Variants in BUB1B observed in about 807,000 individuals in gnomAD.
The protein encoded by BUB1B is mitotic checkpoint serine/threonine-protein kinase BUB1 beta.
Under a neutral mutation model 137.7 loss-of-function variants are expected in BUB1B, and 86 were observed. The ratio of observed to expected loss-of-function variants is 0.62; its 90% CI spans 0.52 to 0.75. The LOEUF (loss-of-function observed/expected upper bound fraction) is 0.75, where lower values mean the gene tolerates loss of function less well. BUB1B is among the 30% of genes least tolerant of loss of function. The pLI is 0.00. For synonymous variants in BUB1B, 420 were observed against 417.9 expected, an observed-to-expected ratio of 1.00 and a Z score of -0.06; for missense variants, 1,130 against 1,236.9, an observed-to-expected ratio of 0.91 and a Z score of 1.30.
intron 5 of BUB1B, among the ~76,000 whole-genome samples, chr15:40,180,452 G>A (rs1213868658): frequency 2.6e-5 from 4 of 151,222 alleles, no homozygotes; most frequent in Non-Finnish European, 5.9e-5. Flanking sequence ...TTTTAGAAGA[G>A]ATGGGGTTTC....
At position 40,199,636 on chromosome 15, in the gene BUB1B, A is replaced by G. The variant is rs778168059; in HGVS notation, c.1310A>G (p.Glu437Gly). The change falls in exon 10 of 23, where the codon GAG (glutamate) becomes GGG (glycine). Residue 437 changes from glutamate to glycine, a missense_variant. Transcript: ENST00000287598. ...QREAELLTSA[E>G]KRAEMQKQIE... ...CTAGCCGAGCTATTGACCAGTGCAG[A>G]GAAGAGAGCAGAAATGCAGAAACAG... 1 of 1,614,010 alleles carries G rather than the reference A, an allele frequency of 6.2e-7. No homozygotes were observed. Among genetic ancestry groups the G allele is most frequent in the South Asian group, 1.1e-5 (1 of 91,076 alleles).
chr15:40,195,831 G>GT (rs540703521), intron 8 of BUB1B, among the ~76,000 whole-genome samples: 23 of 151,986 alleles, frequency 1.5e-4, no homozygotes, highest in Non-Finnish European at 2.9e-4. Context: ...AGGATTGTTT[G>GT]TTTTTTTCTT....
chr15:40,188,778 T>C (rs1171720390), intron 8 of BUB1B, among the ~76,000 whole-genome samples: 1 of 152,086 alleles, frequency 6.6e-6, no homozygotes, highest in East Asian at 1.9e-4. Flanking sequence ...AGCCATGGTT[T>C]CACCATATTG....
chr15:40,201,234 T>C (rs1035054951), intron 12 of BUB1B, among the ~76,000 whole-genome samples: 3 of 152,324 alleles, frequency 2.0e-5, no homozygotes, highest in Non-Finnish European at 2.9e-5. Context: ...TCTTATACTT[T>C]AGTTACTGTA....
rs777101811 is a variant in BUB1B, at chr15:40,170,639, A to G, written c.342A>G (p.Arg114=). The change falls in exon 4 of 23, where the codon CGA becomes CGG. Residue 114 remains arginine (R), a synonymous_variant. Coordinates refer to ENST00000287598, the MANE Select transcript of BUB1B (RefSeq NM_001211.6). ...TAGAAGCACTACAAGGAGAAAAACG[A>G]TATTATAGTGATCCTCGATTTCTCA... ...RAVEALQGEK[R]YYSDPRFLNL... 13 of 1,613,752 alleles carry G rather than the reference A, an allele frequency of 8.1e-6. No homozygotes were observed. The South Asian group carries it at 1.4e-4, about 18-fold the overall frequency.
At chr15:40,177,229 A>T (rs2037233740) in intron 5 of BUB1B, among the ~76,000 whole-genome samples, 1 of 152,176 alleles carries the variant, frequency 6.6e-6, no homozygotes, top group Non-Finnish European at 1.5e-5. Context: ...TTTTAATTTT[A>T]AAGAAGTCTA....
rs773703818 is a variant in BUB1B, at chr15:40,185,259, T to G, written c.846T>G (p.Ala282=). The change falls in exon 7 of 23, where the codon GCT becomes GCG. Residue 282 remains alanine (A), a synonymous_variant. Coordinates refer to ENST00000287598, the MANE Select transcript of BUB1B (RefSeq NM_001211.6). ...ITVFDENADE[A]STAELSKPTV... ...TTTTTGATGAAAATGCTGATGAGGC[T>G]TCTACAGCAGAGTTGTCTAAGCCTA... The G allele has an allele frequency of 2.5e-5, 40 of 1,613,906 alleles. No individual in the cohort carries two copies. The highest frequency in any genetic ancestry group is 1.6e-4 in the Middle Eastern group (1 of 6,084).
intron 18 of BUB1B, 24 bp downstream of exon 18, chr15:40,210,234 C>A (rs926938688): frequency 2.6e-6 from 4 of 1,516,308 alleles, no homozygotes; most frequent in Non-Finnish European, 3.7e-6. Flanking sequence ...TTTATAATTT[C>A]AGTTACTTTG....
rs866902558 is a variant in BUB1B, at chr15:40,218,804, C to T, written c.2957+242C>T. Among the ~76,000 whole-genome samples, 8 of 152,208 alleles carry T rather than the reference C, an allele frequency of 5.3e-5. No homozygotes were observed. In the South Asian group the frequency reaches 6.2e-4, roughly 12 times the overall value. ...ATCATTCTGAATCTAGCTGTATCTT[C>T]CAGACTACAGCTATAGTATGGAAGC... On this transcript the variant is annotated intron_variant, in intron 22 of 22. Coordinates refer to ENST00000287598, the MANE Select transcript of BUB1B (RefSeq NM_001211.6).
chr15:40,216,569 A>T (rs1364686441), intron 20 of BUB1B, among the ~76,000 whole-genome samples: 12,508 of 55,746 alleles, frequency 0.22, 809 homozygotes, highest in East Asian at 0.41. Flanking sequence ...ATATATATAT[A>T]TATTTTTTTT....
chr15:40,216,571 A>T (rs28547441), intron 20 of BUB1B, among the ~76,000 whole-genome samples: 39,855 of 82,284 alleles, frequency 0.48, 8,502 homozygotes, highest in East Asian at 0.61. Context: ...ATATATATAT[A>T]TTTTTTTTTT....
intron 8 of BUB1B, among the ~76,000 whole-genome samples, chr15:40,191,146 C>T (rs1463818063): frequency 6.6e-6 from 1 of 152,118 alleles, no homozygotes; most frequent in East Asian, 1.9e-4. Context: ...ACTCAGCATC[C>T]CAAAATGCTG....
chr15:40,174,920 C>T (rs1342187770), intron 4 of BUB1B, among the ~76,000 whole-genome samples: 4 of 152,036 alleles, frequency 2.6e-5, no homozygotes, highest in South Asian at 2.1e-4. Context: ...GGCGAGATCG[C>T]GCCGCTGCAC....
chr15:40,220,680 C>T lies in BUB1B; in HGVS notation c.3074C>T (p.Thr1025Ile), dbSNP rs770219125. Residue 1025 changes from threonine to isoleucine, a missense_variant, in exon 23 of 23, where the codon ACT becomes ATT. Transcript: ENST00000287598. ...LAAEMNGVFD[T>I]TFQSHLNKAL... The stretch of plus-strand genomic sequence containing the variant: ...GCAGAAATGAATGGGGTTTTTGACA[C>T]TACATTCCAAAGTCACCTGAACAAA... The T allele has an allele frequency of 2.5e-5, 40 of 1,614,180 alleles. No homozygotes were observed. The highest frequency in any genetic ancestry group is 3.4e-5 in the Non-Finnish European group (40 of 1,180,038).
chr15:40,215,343 A>G (rs941925902), intron 20 of BUB1B, among the ~76,000 whole-genome samples: 5 of 152,044 alleles, frequency 3.3e-5, no homozygotes, highest in East Asian at 1.9e-4. Context: ...ATGGTGGTGC[A>G]TGCCTGTAAT....
intron 4 of BUB1B, among the ~76,000 whole-genome samples, chr15:40,174,523 CAG>C (rs1224750170): frequency 6.6e-6 from 1 of 152,092 alleles, no homozygotes; most frequent in African/African-American, 2.4e-5. Context: ...GTAACTGTAA[CAG>C]AGAGAAAATT....
At chr15:40,175,403 T>TA (rs1277437924) in intron 4 of BUB1B, among the ~76,000 whole-genome samples, 3 of 151,056 alleles carry the variant, frequency 2.0e-5, no homozygotes, top group Non-Finnish European at 3.0e-5. Flanking sequence ...TCTGTAGAAA[T>TA]AAAAAAAAAT....
chr15:40,169,516 A>C (rs1472306362), intron 2 of BUB1B, among the ~76,000 whole-genome samples: 1 of 150,836 alleles, frequency 6.6e-6, no homozygotes, highest in Non-Finnish European at 1.5e-5. Context: ...TATTAATACT[A>C]CTTTTCTGTA....
rs2037080856 is a variant in BUB1B at position 40,165,157 on chromosome 15, A to T, written c.140A>T (p.Gln47Leu). The T allele has an allele frequency of 1.2e-6, 2 of 1,614,234 alleles. No homozygotes were observed. Among genetic ancestry groups the T allele is most frequent in the Non-Finnish European group, 1.7e-6 (2 of 1,180,042 alleles). Residue 47 changes from glutamine to leucine, a missense_variant, in exon 2 of 23, where the codon CAA (glutamine) becomes CTA (leucine). Gln to Leu is a moderately radical substitution (Grantham distance 113). Transcript: ENST00000287598. Reference protein sequence around the residue: ...IMSTLQGALAQESACNNTLQQ... With the variant: ...IMSTLQGALALESACNNTLQQ... ...TCCACGCTTCAGGGAGCACTGGCAC[A>T]AGAATCTGCCTGTAACAATACTCTT... is the stretch of plus-strand genomic sequence containing the variant.
Sources: allele counts gnomAD v4.1 joint callset (sites outside exome capture counted in the v4.1 genomes callset), GRCh38; gene constraint gnomAD v4.1.1; transcripts MANE v1.5; gene names NCBI Gene and HGNC (gene_info 2026-07-23, HGNC 2026-07-21).